PTPN4: variants seen among roughly 807,000 people sequenced by gnomAD.
The protein encoded by PTPN4 is protein tyrosine phosphatase non-receptor type 4, also known as tyrosine-protein phosphatase non-receptor type 4.
Under a neutral mutation model 135.5 loss-of-function variants are expected in PTPN4, and 49 were observed. The ratio of observed to expected loss-of-function variants is 0.36; its 90% CI spans 0.29 to 0.46. The LOEUF (loss-of-function observed/expected upper bound fraction) is 0.46. Among genes scored for constraint, PTPN4 ranks in the 20% least tolerant of loss-of-function variants. The probability of loss-of-function intolerance (pLI) is 1.00; values close to 1 mark genes in which losing one functional copy is unlikely to be tolerated. For synonymous variants in PTPN4, 333 were observed against 369.9 expected (o/e 0.90, Z 1.14); for missense variants, 860 against 1,101.0 (o/e 0.78, Z 3.10).
intron 15 of PTPN4, among the ~76,000 whole-genome samples, chr2:119,938,379 G>A (rs1013750310): frequency 1.3e-5 from 2 of 151,872 alleles, no homozygotes; most frequent in East Asian, 1.9e-4. Context: ...CACCCACCTC[G>A]GCCTCCCAAA....
chr2:119,793,591 G>T (rs1333736456), intron 1 of PTPN4, among the ~76,000 whole-genome samples: 3 of 152,208 alleles, frequency 2.0e-5, no homozygotes, highest in Non-Finnish European at 2.9e-5. Context: ...TTGGGGAAGT[G>T]ATAAATGTCC....
At chr2:119,953,751 T>G (rs1170933171) in intron 19 of PTPN4, among the ~76,000 whole-genome samples, 1 of 152,192 alleles carries the variant, frequency 6.6e-6, no homozygotes, top group African/African-American at 2.4e-5. Flanking sequence ...CCAATGAGAT[T>G]GATGAATTAT....
intron 1 of PTPN4, among the ~76,000 whole-genome samples, chr2:119,806,889 C>T (rs994524439): frequency 2.6e-5 from 4 of 152,130 alleles, no homozygotes; most frequent in African/African-American, 7.2e-5. Flanking sequence ...TCTCAGACCA[C>T]AATGCAATCA....
intron 3 of PTPN4, among the ~76,000 whole-genome samples, chr2:119,863,296 C>G (rs1360056784): frequency 3.3e-5 from 5 of 152,030 alleles, no homozygotes; most frequent in Admixed American, 3.3e-4. Context: ...ATACCTTACT[C>G]TGAACCGAGA....
chr2:119,902,369 CACAA>C (rs1388819683), intron 10 of PTPN4, among the ~76,000 whole-genome samples: 1 of 152,182 alleles, frequency 6.6e-6, no homozygotes, highest in Non-Finnish European at 1.5e-5. Flanking sequence ...CTTTCACACA[CACAA>C]ACAAAAATTG....
Position 119,783,182 on chromosome 2 carries a change from G to A in PTPN4, c.-18+22798G>A, listed in dbSNP as rs577374121. Among the ~76,000 whole-genome samples, 40 of 152,184 alleles carry A rather than the reference G, an allele frequency of 2.6e-4. No homozygotes were observed. In the South Asian group the frequency reaches 8.1e-3, roughly 31 times the overall value. On this transcript the variant is annotated intron_variant, in intron 1 of 26. Transcript: ENST00000263708. ...ATTCATTCATTTTTGCAGTAAGGAC[G>A]TTTTTCCATTTGTACATTGATTTAG...
chr2:119,920,022 A>G, intron 11 of PTPN4, 47 bp from the exon 12 acceptor site: 1 of 1,559,852 alleles, frequency 6.4e-7, no homozygotes, highest in Non-Finnish European at 8.6e-7. Context: ...GGAGCATTAG[A>G]TCCTGACATT....
chr2:119,838,351 C>T (rs1020033379), intron 2 of PTPN4, among the ~76,000 whole-genome samples: 21 of 152,124 alleles, frequency 1.4e-4, no homozygotes, highest in African/African-American at 4.8e-4. Context: ...CAGAAGGTGC[C>T]GCCAGCCACC....
chr2:119,882,961 A>C (rs1309884613), intron 8 of PTPN4, among the ~76,000 whole-genome samples: 2 of 152,164 alleles, frequency 1.3e-5, no homozygotes, highest in African/African-American at 4.8e-5. Context: ...TTAGGTATAA[A>C]GGACTTGATT....
At chr2:119,902,402 A>G (rs1678418987) in intron 10 of PTPN4, among the ~76,000 whole-genome samples, 1 of 152,254 alleles carries the variant, frequency 6.6e-6, no homozygotes, top group South Asian at 2.1e-4. Context: ...TGTTACCAGT[A>G]GACCTGCCTT....
chr2:119,867,348 AAAG>A (rs1314156619), intron 3 of PTPN4, among the ~76,000 whole-genome samples: 1 of 152,124 alleles, frequency 6.6e-6, no homozygotes, highest in African/African-American at 2.4e-5. Context: ...GGAATGAAGA[AAAG>A]AAGATGAGTG....
intron 3 of PTPN4, among the ~76,000 whole-genome samples, chr2:119,864,810 TTCTTTCTTTG>T (rs1677809465): frequency 6.6e-6 from 1 of 152,148 alleles, no homozygotes; most frequent in African/African-American, 2.4e-5. Flanking sequence ...CTCCTACTTT[TTCTTTCTTTG>T]TCTTTCTGTC....
At chr2:119,947,739 A>G (rs1679155944) in intron 18 of PTPN4, among the ~76,000 whole-genome samples, 1 of 147,024 alleles carries the variant, frequency 6.8e-6, no homozygotes, top group African/African-American at 2.5e-5. Flanking sequence ...AGCAGCTTCA[A>G]GCAGAGTTTT....
intron 3 of PTPN4, among the ~76,000 whole-genome samples, chr2:119,870,232 C>T (rs534411725): frequency 1.0e-3 from 155 of 152,222 alleles, no homozygotes; most frequent in African/African-American, 3.7e-3. Flanking sequence ...AATAGCAAAT[C>T]ACGTTTTTTT....
chr2:119,970,147 C>A (rs1266946534), intron 26 of PTPN4, among the ~76,000 whole-genome samples: 1 of 152,026 alleles, frequency 6.6e-6, no homozygotes, highest in East Asian at 1.9e-4. Flanking sequence ...GCAACCTCCG[C>A]CTTCCGGGTT....
intron 19 of PTPN4, among the ~76,000 whole-genome samples, chr2:119,953,315 C>G (rs1222841672): frequency 6.6e-6 from 1 of 152,174 alleles, no homozygotes; most frequent in Admixed American, 6.5e-5. Flanking sequence ...CACCACCACA[C>G]CCAACCCTGC....
At chr2:119,874,882 C>T (rs1028382181) in intron 3 of PTPN4, among the ~76,000 whole-genome samples, 3 of 152,126 alleles carry the variant, frequency 2.0e-5, no homozygotes, top group African/African-American at 7.2e-5. Flanking sequence ...ACAATTTATA[C>T]TTTCAGAAGC....
At chr2:119,931,477 T>C (rs1197654623) in intron 13 of PTPN4, among the ~76,000 whole-genome samples, 1 of 147,562 alleles carries the variant, frequency 6.8e-6, no homozygotes, top group Non-Finnish European at 1.5e-5. Context: ...GGTTTTACTC[T>C]TGTCACCCAG....
rs138627298 is a variant in PTPN4, at chr2:119,943,411, GTTCT to G, written c.1356-1660_1356-1657del. On this transcript the variant is annotated intron_variant, in intron 15 of 26. Coordinates refer to ENST00000263708, the MANE Select transcript of PTPN4 (RefSeq NM_002830.4). ...CCTAACTTAAAGAGACATAACAAAA[GTTCT>G]TTCTTTCTTACATTGTATGTACATT... Among the ~76,000 whole-genome samples the G allele has an allele frequency of 4.4e-3, 665 of 152,022 alleles. 6 individuals are homozygous for G. The highest frequency in any genetic ancestry group is 0.015 in the African/African-American group (633 of 41,486).
Sources: allele counts gnomAD v4.1 joint callset (sites outside exome capture counted in the v4.1 genomes callset), GRCh38; gene constraint gnomAD v4.1.1; transcripts MANE v1.5; gene names NCBI Gene and HGNC (gene_info 2026-07-23, HGNC 2026-07-21).